Variants in MAGI3 observed in about 807,000 individuals in gnomAD.
The protein encoded by MAGI3 is membrane associated guanylate kinase, WW and PDZ domain containing 3, also known as membrane-associated guanylate kinase, WW and PDZ domain-containing protein 3.
In MAGI3, 43 loss-of-function variants were observed where a neutral mutation model predicts 121.8. The ratio of observed to expected loss-of-function variants is 0.35; its 90% CI spans 0.28 to 0.46. The LOEUF (loss-of-function observed/expected upper bound fraction) is 0.46, where lower values mean the gene tolerates loss of function less well. Among genes scored for constraint, MAGI3 ranks in the 20% least tolerant of loss-of-function variants. MAGI3 has a pLI of 1.00. For missense variants in MAGI3, 1,547 were observed against 1,797.3 expected, an observed-to-expected ratio of 0.86 and a Z score of 2.52; for synonymous variants, 553 against 639.3, an observed-to-expected ratio of 0.86 and a Z score of 2.04.
chr1:113,659,269 A>T lies in MAGI3; in HGVS notation c.2815+4A>T. On this transcript the variant is annotated splice_donor_region_variant and intron_variant, in intron 16 of 20. Coordinates refer to ENST00000307546, the MANE Select transcript of MAGI3 (RefSeq NM_001142782.2). ...CTAACGGTCATTGCTGAAGAAGGTAAGGAGCCAGTAGACGCGCCTGCCCCA... is the reference window on the plus strand; with the variant it reads ...CTAACGGTCATTGCTGAAGAAGGTATGGAGCCAGTAGACGCGCCTGCCCCA... 1 of 1,612,528 alleles carries T rather than the reference A, an allele frequency of 6.2e-7. No individual in the cohort carries two copies. The highest frequency in any genetic ancestry group is 8.5e-7 in the Non-Finnish European group (1 of 1,179,656).
At chr1:113,649,147 C>G (rs1251494842) in intron 12 of MAGI3, 90 bp from the exon 13 acceptor site, 1 of 888,590 alleles carries the variant, frequency 1.1e-6, no homozygotes, top group Non-Finnish European at 1.6e-6. Flanking sequence ...TATTGAGTTA[C>G]TCTATAATAT....
At chr1:113,419,298 C>G (rs1286017452) in intron 1 of MAGI3, among the ~76,000 whole-genome samples, 1 of 152,014 alleles carries the variant, frequency 6.6e-6, no homozygotes, top group East Asian at 1.9e-4. Context: ...ACTCTTAAAT[C>G]CTTATAGATG....
intron 1 of MAGI3, among the ~76,000 whole-genome samples, chr1:113,393,428 A>G (rs1650929578): frequency 6.6e-6 from 1 of 152,192 alleles, no homozygotes. Flanking sequence ...AGATACCATT[A>G]TGTCTGTGTT....
chr1:113,638,450 A>G (rs1652195445), intron 9 of MAGI3, among the ~76,000 whole-genome samples: 1 of 152,378 alleles, frequency 6.6e-6, no homozygotes, highest in East Asian at 1.9e-4. Flanking sequence ...CTTCTAACAG[A>G]CAGGACCCTC....
chr1:113,587,404 C>A (rs183331478), intron 4 of MAGI3, among the ~76,000 whole-genome samples: 2 of 152,284 alleles, frequency 1.3e-5, no homozygotes, highest in Admixed American at 1.3e-4. Flanking sequence ...CCATGTTGGC[C>A]AAGCTGGTCT....
At chr1:113,534,293 A>G (rs1259726976) in intron 1 of MAGI3, among the ~76,000 whole-genome samples, 2 of 152,200 alleles carry the variant, frequency 1.3e-5, no homozygotes. Flanking sequence ...TGGCTATGTC[A>G]TGCATCCTGG....
At chr1:113,614,260 A>G (rs1378386811) in intron 6 of MAGI3, among the ~76,000 whole-genome samples, 3 of 152,204 alleles carry the variant, frequency 2.0e-5, no homozygotes. Context: ...TGCTTCTTCT[A>G]TTGGACTACA....
chr1:113,413,390 A>C (rs567930990), intron 1 of MAGI3, among the ~76,000 whole-genome samples: 2 of 152,242 alleles, frequency 1.3e-5, no homozygotes, highest in East Asian at 3.9e-4. Context: ...TAAACTTTAA[A>C]GTAGTTTTTT....
intron 18 of MAGI3, 74 bp downstream of exon 18, chr1:113,672,815 G>T (rs1002552746): frequency 6.6e-7 from 1 of 1,511,016 alleles, no homozygotes; most frequent in Non-Finnish European, 8.9e-7. Flanking sequence ...AATTTTTATT[G>T]CAAATCAGTT....
intron 1 of MAGI3, among the ~76,000 whole-genome samples, chr1:113,446,492 A>G (rs1015841746): frequency 6.6e-6 from 1 of 152,230 alleles, no homozygotes; most frequent in African/African-American, 2.4e-5. Flanking sequence ...TGTATAAAGC[A>G]TATAGAAAAC....
In MAGI3 at chr1:113,685,014, A is replaced by T. The variant is rs1401145148; in HGVS notation, c.*1000A>T. ...ATCATGAAACCAGTTTCACAGTCCA[A>T]GTACCAACTCTTCTGGTAGCAGGTG... On this transcript the variant is annotated 3_prime_UTR_variant, in exon 21 of 21. Transcript: ENST00000307546. 1 of 152,372 alleles carries T rather than the reference A, an allele frequency of 6.6e-6. No individual in the cohort carries two copies. The allele number at this position is 152,372 out of a possible 1,614,324, so 9.4% of individuals were successfully genotyped here. A position where few individuals can be genotyped will look rare whatever the true frequency, so the allele number is the denominator to read the frequency against.
intron 1 of MAGI3, among the ~76,000 whole-genome samples, chr1:113,511,133 AC>A (rs1236144709): frequency 6.6e-6 from 1 of 152,198 alleles, no homozygotes; most frequent in African/African-American, 2.4e-5. Flanking sequence ...GGGTTTAAAT[AC>A]TTTTTCCCTC....
intron 6 of MAGI3, among the ~76,000 whole-genome samples, chr1:113,613,054 A>G (rs1650254994): frequency 6.6e-6 from 1 of 152,190 alleles, no homozygotes; most frequent in South Asian, 2.1e-4. Flanking sequence ...GAAGATCCAT[A>G]ACTGTTATAG....
At chr1:113,458,214 C>G (rs1324640282) in intron 1 of MAGI3, among the ~76,000 whole-genome samples, 2 of 152,114 alleles carry the variant, frequency 1.3e-5, no homozygotes, top group African/African-American at 2.4e-5. Flanking sequence ...GTGCTGGTGG[C>G]TTGGGTCCAG....
In MAGI3 at chr1:113,589,624, A is replaced by G. The variant is rs180971960; in HGVS notation, c.764-860A>G. Among the ~76,000 whole-genome samples the G allele has an allele frequency of 4.5e-3, 685 of 152,184 alleles. 14 individuals are homozygous for G. Among genetic ancestry groups the G allele is most frequent in the Admixed American group, 0.039 (602 of 15,288 alleles). On this transcript the variant is annotated intron_variant, in intron 4 of 20. Coordinates refer to ENST00000307546, the MANE Select transcript of MAGI3 (RefSeq NM_001142782.2). ...ATAGTAGGGCATGGTTAGATAAAGA[A>G]TGGTTGGAGTTGAAATACTATAGAG...
intron 16 of MAGI3, among the ~76,000 whole-genome samples, chr1:113,660,765 A>AT (rs1653744755): frequency 9.6e-6 from 1 of 104,326 alleles, no homozygotes; most frequent in Admixed American, 8.4e-5. Context: ...CATAATTTTT[A>AT]ATTTTTTTTT....
Position 113,683,607 on chromosome 1 carries a change from G to A in MAGI3, c.4039G>A (p.Glu1347Lys), listed in dbSNP as rs773163756. The A allele has an allele frequency of 1.5e-5, 24 of 1,613,362 alleles. No individual in the cohort carries two copies. The highest frequency in any genetic ancestry group is 1.9e-5 in the Non-Finnish European group (22 of 1,179,810). ...GAAAGATGCAAAGCAGAATCAGTTG[G>A]AAAAAAGCAGAACAAGGTCTCCAGA... is the stretch of plus-strand genomic sequence containing the variant. ...IRKDAKQNQL[E>K]KSRTRSPEKK... The change falls in exon 21 of 21, where the codon GAA (glutamate) becomes AAA (lysine). Residue 1347 changes from glutamate to lysine, a missense_variant. By Grantham distance (56) the Glu-to-Lys change is moderately conservative. Transcript: ENST00000307546.
At chr1:113,396,362 G>A (rs570555770) in intron 1 of MAGI3, among the ~76,000 whole-genome samples, 49 of 151,122 alleles carry the variant, frequency 3.2e-4, no homozygotes, top group African/African-American at 1.0e-3. Flanking sequence ...GACTAGAACC[G>A]TTTCGCCTTT....
chr1:113,489,280 C>T (rs1291772482), intron 1 of MAGI3, among the ~76,000 whole-genome samples: 1 of 151,760 alleles, frequency 6.6e-6, no homozygotes, highest in Admixed American at 6.6e-5. Flanking sequence ...GAGAGCTGAG[C>T]AGTGGCCCTC....
Sources: gnomAD v4.1 joint callset for allele counts (sites outside exome capture counted in the v4.1 genomes callset) on GRCh38, gnomAD v4.1.1 for gene constraint, MANE v1.5 for transcripts, NCBI Gene and HGNC (gene_info 2026-07-23, HGNC 2026-07-21) for gene names.